GREB1: variants seen among roughly 807,000 people sequenced by gnomAD.
GREB1 encodes the protein growth regulating estrogen receptor binding 1, also known as protein GREB1.
GREB1 carries 106 observed loss-of-function variants against 200.7 expected under a neutral mutation model. The ratio of observed to expected loss-of-function variants is 0.53; its 90% CI spans 0.45 to 0.62. The LOEUF is 0.62. Among genes scored for constraint, GREB1 ranks in the 20% least tolerant of loss-of-function variants. GREB1 has a pLI of 0.00. For synonymous variants in GREB1, 1,132 were observed against 1,092.4 expected, an observed-to-expected ratio of 1.04 and a Z score of -0.72; for missense variants, 2,243 against 2,556.8, an observed-to-expected ratio of 0.88 and a Z score of 2.65.
At chr2:11,527,788 C>T (rs1044260301) in intron 1 of GREB1, among the ~76,000 whole-genome samples, 14 of 152,294 alleles carry the variant, frequency 9.2e-5, no homozygotes, top group African/African-American at 3.1e-4. Flanking sequence ...GCTGGTGTGA[C>T]GGGTGCTCCA....
At chr2:11,503,388 G>C (rs1012296246) in intron 1 of GREB1, among the ~76,000 whole-genome samples, 1 of 152,182 alleles carries the variant, frequency 6.6e-6, no homozygotes, top group Non-Finnish European at 1.5e-5. Context: ...GTATTTGGTA[G>C]TGTGAATATA....
chr2:11,636,444 A>G (rs535211654), intron 30 of GREB1, among the ~76,000 whole-genome samples: 1 of 152,370 alleles, frequency 6.6e-6, no homozygotes, highest in East Asian at 1.9e-4. Flanking sequence ...ATGCATAAGA[A>G]AGCTAGTCAT....
chr2:11,624,641 G>A (rs1035541871), intron 23 of GREB1, among the ~76,000 whole-genome samples: 3 of 152,070 alleles, frequency 2.0e-5, no homozygotes, highest in Non-Finnish European at 4.4e-5. Context: ...CACCATGCCC[G>A]GCCAAGATAC....
intron 1 of GREB1, chr2:11,542,563 C>T (rs1674859696): frequency 7.0e-6 from 1 of 142,630 alleles, no homozygotes; most frequent in Non-Finnish European, 1.5e-5. Flanking sequence ...TGACACACTC[C>T]CTGTGGCCCC....
At chr2:11,498,371 C>A (rs1400261245) in intron 1 of GREB1, among the ~76,000 whole-genome samples, 8 of 152,154 alleles carry the variant, frequency 5.3e-5, no homozygotes, top group Non-Finnish European at 8.8e-5. Flanking sequence ...AAAGCTGTCT[C>A]TCCTACAATG....
chr2:11,545,743 C>T (rs541065446), intron 1 of GREB1, among the ~76,000 whole-genome samples: 12 of 152,206 alleles, frequency 7.9e-5, no homozygotes, highest in Non-Finnish European at 1.5e-4. Flanking sequence ...ATGAGAACCA[C>T]GTTACCTAAG....
chr2:11,610,389 A>G (rs533666590), intron 17 of GREB1, among the ~76,000 whole-genome samples: 1 of 152,220 alleles, frequency 6.6e-6, no homozygotes. Context: ...CCATTTATTC[A>G]TCTGCTCATT....
At chr2:11,537,668 ATATTTT>A (rs1674354484) in intron 1 of GREB1, among the ~76,000 whole-genome samples, 1 of 147,482 alleles carries the variant, frequency 6.8e-6, no homozygotes, top group African/African-American at 2.5e-5. Context: ...AAATATAAAA[ATATTTT>A]ATATATTATA....
chr2:11,508,804 C>T (rs754201028), intron 1 of GREB1, among the ~76,000 whole-genome samples: 18 of 152,014 alleles, frequency 1.2e-4, no homozygotes, highest in Non-Finnish European at 1.8e-4. Context: ...CCAAAACGTT[C>T]ACCGTGGTTG....
chr2:11,634,213 G>C lies in GREB1; in HGVS notation c.5074G>C (p.Ala1692Pro). 6 of 1,614,202 alleles carry C rather than the reference G, an allele frequency of 3.7e-6. No individual in the cohort carries two copies. Among genetic ancestry groups the C allele is most frequent in the Non-Finnish European group, 5.1e-6 (6 of 1,180,026 alleles). Residue 1692 changes from alanine to proline, a missense_variant, in exon 29 of 33, where the codon GCC becomes CCC. This residue lies in a region of GREB1 where 478 missense variants were observed against 616.3 expected (regional missense o/e 0.78). Coordinates refer to ENST00000381486, the MANE Select transcript of GREB1 (RefSeq NM_014668.4). ...GGCGGCCCCCGACATCATGCACTACGCCCTGCTGGGCCTGCGGAAGTGGTC... is the reference window on the plus strand; with the variant it reads ...GGCGGCCCCCGACATCATGCACTACCCCCTGCTGGGCCTGCGGAAGTGGTC... ...IEAAPDIMHY[A>P]LLGLRKWSSK...
chr2:11,500,455 G>C (rs912772558), intron 1 of GREB1, among the ~76,000 whole-genome samples: 3 of 103,928 alleles, frequency 2.9e-5, no homozygotes, highest in African/African-American at 1.1e-4. Flanking sequence ...CACTGTGCCT[G>C]GCCATTTTTT....
rs1283267790 is a variant in GREB1 at position 11,602,517 on chromosome 2, G to A, written c.2641G>A (p.Ala881Thr). 7.4e-6 allele frequency: 12 copies of A among 1,613,892 alleles called. No individual in the cohort carries two copies. Among genetic ancestry groups the A allele is most frequent in the Non-Finnish European group, 9.3e-6 (11 of 1,179,862 alleles). ...GCTCAGATACGATAGCTCCTTTGAG[G>A]CCATGGTCACTGCATTAGGAAAAAG... ...PLLRYDSSFEAMVTALGKRFP... is the reference protein window; with the variant it reads ...PLLRYDSSFETMVTALGKRFP... Residue 881 changes from alanine to threonine, a missense_variant, in exon 17 of 33, where the codon GCC becomes ACC. Physicochemically the swap from Ala to Thr is moderately conservative, Grantham distance 58. Around this residue, in one of 3 missense-constraint regions of GREB1, gnomAD observed 1,178 missense variants for 1,387.4 expected, o/e 0.85. Transcript: ENST00000381486.
chr2:11,578,663 G>T (rs1187223599), intron 6 of GREB1, among the ~76,000 whole-genome samples: 5 of 152,174 alleles, frequency 3.3e-5, no homozygotes, highest in Admixed American at 3.3e-4. Flanking sequence ...GGATCCCCTG[G>T]TGGGGACATA....
intron 17 of GREB1, among the ~76,000 whole-genome samples, chr2:11,610,183 G>A (rs1253278664): frequency 6.6e-6 from 1 of 152,268 alleles, no homozygotes; most frequent in Non-Finnish European, 1.5e-5. Context: ...GTCAAAATAC[G>A]TTTAGTTATA....
At chr2:11,605,726 C>T (rs1682219706) in intron 17 of GREB1, among the ~76,000 whole-genome samples, 1 of 152,126 alleles carries the variant, frequency 6.6e-6, no homozygotes, top group Admixed American at 6.5e-5. Flanking sequence ...TGGCATCTTT[C>T]ACTCTGTATA....
chr2:11,559,983 CT>C (rs1558544512), intron 2 of GREB1, among the ~76,000 whole-genome samples: 3 of 152,224 alleles, frequency 2.0e-5, no homozygotes, highest in African/African-American at 7.2e-5. Flanking sequence ...TCAGCTTCTT[CT>C]GCCTCTTGTC....
chr2:11,598,566 C>T, intron 14 of GREB1, 114 bp from the exon 15 acceptor site: 1 of 896,372 alleles, frequency 1.1e-6, no homozygotes, highest in South Asian at 1.6e-5. Context: ...GCTCTTGCAT[C>T]TCTGAGTCTA....
At chr2:11,627,913 G>T (rs1003228633) in intron 25 of GREB1, among the ~76,000 whole-genome samples, 3 of 152,236 alleles carry the variant, frequency 2.0e-5, no homozygotes, top group Admixed American at 2.0e-4. Flanking sequence ...ATTTGCCAAG[G>T]TGCCAAGAAT....
At chr2:11,593,890 G>T (rs542051499) in intron 11 of GREB1, among the ~76,000 whole-genome samples, 5 of 152,314 alleles carry the variant, frequency 3.3e-5, no homozygotes, top group African/African-American at 9.6e-5. Context: ...TTAGGTGGGG[G>T]AGGCAGACAC....
Sources: gnomAD v4.1 joint callset for allele counts (sites outside exome capture counted in the v4.1 genomes callset) on GRCh38, gnomAD v4.1.1 for gene constraint, gnomAD v4.1.1 regional missense constraint, MANE v1.5 for transcripts, NCBI Gene and HGNC (gene_info 2026-07-23, HGNC 2026-07-21) for gene names.